Variants in ITGA3 observed in about 807,000 individuals in gnomAD.
The protein encoded by ITGA3 is integrin subunit alpha 3, also known as integrin alpha-3.
Under a neutral mutation model 131.1 loss-of-function variants are expected in ITGA3, and 70 were observed. The observed-to-expected ratio is 0.53, with a 90% CI of 0.44 to 0.65. ITGA3 has a LOEUF of 0.65. Ranked by LOEUF, ITGA3 falls within the 30% of genes least tolerant of loss-of-function variation. ITGA3 has a pLI of 0.00. For synonymous variants in ITGA3, 537 were observed against 571.6 expected (o/e 0.94, Z 0.86); for missense variants, 1,098 against 1,388.6 (o/e 0.79, Z 3.33).
chr17:50,072,293 GAC>G, intron 7 of ITGA3, 111 bp downstream of exon 7: 1 of 972,900 alleles, frequency 1.0e-6, no homozygotes, highest in African/African-American at 1.6e-5. Context: ...CCACAGATGA[GAC>G]AGGATGGGGC....
chr17:50,088,280 A>C lies in ITGA3; in HGVS notation c.3101A>C (p.Lys1034Thr), dbSNP rs1375444571. 1 of 1,590,770 alleles carries C rather than the reference A, an allele frequency of 6.3e-7. No homozygotes were observed. Among genetic ancestry groups the C allele is most frequent in the African/African-American group, 1.3e-5 (1 of 74,620 alleles). Residue 1034 changes from lysine (K) to threonine (T), a missense_variant, in exon 25 of 26, where the codon AAG becomes ACG. Physicochemically the swap from Lys to Thr is moderately conservative, Grantham distance 78 (BLOSUM62 -1). Around this residue, in one of 3 missense-constraint regions of ITGA3, gnomAD observed 699 missense variants for 829.2 expected, o/e 0.84. Transcript: ENST00000320031. ...TRALYEAKRQ[K>T]AEMKSQPSET... ...GCCCTGTATGAAGCTAAGAGGCAGAAGGCGGAGATGAAGAGCCAGCCGTCA... is the reference window on the plus strand; with the variant it reads ...GCCCTGTATGAAGCTAAGAGGCAGACGGCGGAGATGAAGAGCCAGCCGTCA...
At chr17:50,071,276 T>G (rs1199506448) in intron 5 of ITGA3, 35 bp from the exon 6 acceptor site, 2 of 1,589,672 alleles carry the variant, frequency 1.3e-6, no homozygotes, top group Non-Finnish European at 1.7e-6. Flanking sequence ...CGAAGTTGAC[T>G]GGGACCTTGG....
chr17:50,070,692 A>C, intron 4 of ITGA3, 152 bp from the exon 5 acceptor site: 1 of 399,954 alleles, frequency 2.5e-6, no homozygotes, highest in Non-Finnish European at 4.7e-6. Flanking sequence ...GTTAAAGAGG[A>C]TGTGTTTTAT....
chr17:50,070,560 C>T (rs568813240), intron 4 of ITGA3, among the ~76,000 whole-genome samples: 2 of 142,760 alleles, frequency 1.4e-5, no homozygotes, highest in Non-Finnish European at 3.0e-5. Context: ...GCAGGAGAAT[C>T]GCTTGAACCC....
Position 50,076,453 on chromosome 17 carries a change from A to G in ITGA3, c.1802A>G (p.Gln601Arg), listed in dbSNP as rs779375369. ...LDAYPILNQA[Q>R]ALENHTEVQF... ...GCCTACCCGATCCTCAACCAGGCAC[A>G]GGCTCTGGAGAACCACACTGAGGTG... The change falls in exon 13 of 26, where the codon CAG (glutamine) becomes CGG (arginine). Residue 601 changes from glutamine to arginine, a missense_variant. Around this residue, in one of 3 missense-constraint regions of ITGA3, gnomAD observed 699 missense variants for 829.2 expected, o/e 0.84. Coordinates refer to ENST00000320031, the MANE Select transcript of ITGA3 (RefSeq NM_002204.4). 2.5e-6 allele frequency: 4 copies of G among 1,609,742 alleles called. No individual in the cohort carries two copies. Among genetic ancestry groups the G allele is most frequent in the South Asian group, 1.1e-5 (1 of 91,072 alleles).
intron 10 of ITGA3, among the ~76,000 whole-genome samples, chr17:50,074,821 A>T (rs373346754): frequency 1.3e-5 from 2 of 152,290 alleles, no homozygotes; most frequent in African/African-American, 4.8e-5. Flanking sequence ...GGCTCTGGAA[A>T]GGGGGACGCA....
At chr17:50,085,013 GACCAGCCTGGCCAACATGGTGAA>G (rs1909326356) in intron 23 of ITGA3, among the ~76,000 whole-genome samples, 1 of 152,000 alleles carries the variant, frequency 6.6e-6, no homozygotes, top group Non-Finnish European at 1.5e-5. Flanking sequence ...AGGAGTTCGA[GACCAGCCTGGCCAACATGGTGAA>G]ACCCCGGCTC....
intron 22 of ITGA3, 28 bp downstream of exon 22, chr17:50,080,403 C>T (rs1909133787): frequency 1.4e-6 from 2 of 1,401,922 alleles, no homozygotes; most frequent in Non-Finnish European, 2.0e-6. Context: ...AAGGTCTCTC[C>T]TACCATCCAC....
intron 25 of ITGA3, 122 bp downstream of exon 25, chr17:50,088,488 C>G (rs1909569361): frequency 3.3e-6 from 2 of 597,204 alleles, no homozygotes; most frequent in Non-Finnish European, 6.0e-6. Context: ...CACCACCACC[C>G]CAAAGATCAG....
In ITGA3 at chr17:50,056,687, T is replaced by TGGGGTGGGA; in HGVS notation, c.206+43_206+44insGGGTGGGAG. 9 of 1,553,390 alleles carry TGGGGTGGGA rather than the reference T, an allele frequency of 5.8e-6. No homozygotes were observed. The highest frequency in any genetic ancestry group is 7.0e-6 in the Non-Finnish European group (8 of 1,146,714). ...GGTGTGGGGTGGGAGCGAGAGAGTG[T>TGGGGTGGGA]GCGAGCGCGGGATGCGGGTCCGGAG... On this transcript the variant is annotated intron_variant, in intron 1 of 25. Transcript: ENST00000320031. The surrounding 1 kb of genome is among the most constrained non-coding windows in gnomAD (Gnocchi z 5.6).
At chr17:50,077,994 A>C (rs1256377238) in intron 16 of ITGA3, 52 bp from the exon 17 acceptor site, 1 of 1,459,822 alleles carries the variant, frequency 6.9e-7, no homozygotes, top group East Asian at 2.3e-5. Flanking sequence ...CCATGACATC[A>C]CCCCCGCCAG....
At chr17:50,075,187 C>T (rs545926746) in intron 10 of ITGA3, among the ~76,000 whole-genome samples, 1 of 152,190 alleles carries the variant, frequency 6.6e-6, no homozygotes. Context: ...TGGGCTGGGC[C>T]ACCAACTGAC....
At position 50,078,213 on chromosome 17, in the gene ITGA3, T is replaced by A; in HGVS notation, c.2226T>A (p.Ser742Arg). The change falls in exon 18 of 26, where the codon AGT becomes AGA. Residue 742 changes from serine to arginine, a missense_variant. By Grantham distance (110) the Ser-to-Arg change is moderately radical. Coordinates refer to ENST00000320031, the MANE Select transcript of ITGA3 (RefSeq NM_002204.4). ...CCCTGCATTTCCTCCCAAGGTCGAG[T>A]CACCAGGACAACCTGTGGCCCATGA... is the stretch of plus-strand genomic sequence containing the variant. Reference protein sequence around the residue: ...LQVQLQLSTSSHQDNLWPMIL... With the variant: ...LQVQLQLSTSRHQDNLWPMIL... 2 of 1,613,936 alleles carry A rather than the reference T, an allele frequency of 1.2e-6. No individual in the cohort carries two copies. The highest frequency in any genetic ancestry group is 1.7e-6 in the Non-Finnish European group (2 of 1,179,942).
intron 25 of ITGA3, among the ~76,000 whole-genome samples, 168 bp from the exon 26 acceptor site, chr17:50,088,942 G>A (rs2144326945): frequency 6.6e-6 from 1 of 152,098 alleles, no homozygotes; most frequent in South Asian, 2.1e-4. Flanking sequence ...TGGGGCCTGG[G>A]GTGGAGAAAC....
chr17:50,063,127 C>T (rs539914144), intron 1 of ITGA3, among the ~76,000 whole-genome samples: 5 of 148,454 alleles, frequency 3.4e-5, no homozygotes, highest in South Asian at 4.1e-4. Flanking sequence ...CTCCAGCCAC[C>T]CCTCTGGTAT....
chr17:50,079,655 T>C (rs1909094149), intron 21 of ITGA3, 98 bp downstream of exon 21: 4 of 1,288,724 alleles, frequency 3.1e-6, no homozygotes, highest in Non-Finnish European at 4.0e-6. Context: ...CTCAGTGTGA[T>C]GAGGTGATGA....
intron 1 of ITGA3, among the ~76,000 whole-genome samples, chr17:50,061,445 G>GGCA (rs1431150040): frequency 6.6e-6 from 1 of 152,018 alleles, no homozygotes; most frequent in Non-Finnish European, 1.5e-5. Context: ...ACATGGGCAG[G>GGCA]GCAGCAGCAG....
chr17:50,070,009 C>A (rs756327683), intron 4 of ITGA3, among the ~76,000 whole-genome samples: 3 of 152,192 alleles, frequency 2.0e-5, no homozygotes, highest in Non-Finnish European at 4.4e-5. Context: ...CTGGGCTCAC[C>A]GAAGGCTGAG....
chr17:50,069,617 G>T (rs1023949546), intron 4 of ITGA3, among the ~76,000 whole-genome samples: 2 of 152,202 alleles, frequency 1.3e-5, no homozygotes, highest in Non-Finnish European at 2.9e-5. Context: ...AGTGAGCTGC[G>T]ATTGTGCCAC....
Sources: allele counts gnomAD v4.1 joint callset (sites outside exome capture counted in the v4.1 genomes callset), GRCh38; gene constraint gnomAD v4.1.1; regional missense constraint gnomAD v4.1.1; non-coding constraint Gnocchi (gnomAD v3.1); transcripts MANE v1.5; gene names NCBI Gene and HGNC (gene_info 2026-07-23, HGNC 2026-07-21).